The following NHERF1 variants were observed in gnomAD, a reference collection of about 807,000 sequenced individuals.
NHERF1 encodes NHERF family PDZ scaffold protein 1.
the NHERF1 span, among the ~76,000 whole-genome samples, chr17:74,759,630 T>G: frequency 1.3e-5 from 2 of 152,222 alleles, no homozygotes; most frequent in African/African-American, 4.8e-5. Context: ...GAAGGAAGGC[T>G]GTGGTAGGTT....
chr17:74,749,733 CCTA>C, the NHERF1 span, among the ~76,000 whole-genome samples: 31 of 152,358 alleles, frequency 2.0e-4, no homozygotes, highest in African/African-American at 7.5e-4. The surrounding 1 kb of genome is among the most constrained non-coding windows in gnomAD (Gnocchi z 5.6). Context: ...GCCCGCCACT[CCTA>C]CTTCAAAAGC....
the NHERF1 span, chr17:74,768,411 C>T: frequency 5.7e-6 from 9 of 1,584,992 alleles, no homozygotes; most frequent in South Asian, 8.8e-5. Flanking sequence ...AGGCTGAGGA[C>T]CAGGGAGCCT....
chr17:74,749,618 C>T, the NHERF1 span, among the ~76,000 whole-genome samples: 2 of 152,184 alleles, frequency 1.3e-5, no homozygotes, highest in African/African-American at 4.8e-5. The surrounding 1 kb of genome is among the most constrained non-coding windows in gnomAD (Gnocchi z 5.6). Context: ...TCCCGTTCCT[C>T]GGAATCCCCC....
the NHERF1 span, chr17:74,762,320 G>A: frequency 2.0e-6 from 1 of 494,678 alleles, no homozygotes; most frequent in South Asian, 1.6e-5. This position sits in a 1 kb window ranked among gnomAD's most constrained non-coding sequence, Gnocchi z 4.2. Flanking sequence ...GGATGGGAGG[G>A]AGGGAGGGAA....
the NHERF1 span, chr17:74,763,310 T>TA: frequency 5.7e-6 from 9 of 1,566,262 alleles, no homozygotes; most frequent in Middle Eastern, 2.1e-4. Context: ...CCCCTCCACT[T>TA]ACCTGCCCCA....
At chr17:74,768,230 C>T in the NHERF1 span, 6 of 1,611,536 alleles carry the variant, frequency 3.7e-6, no homozygotes, top group East Asian at 2.2e-5. Flanking sequence ...GTGACACCAG[C>T]GAGGAGGTAG....
the NHERF1 span, chr17:74,768,562 C>T: frequency 6.2e-7 from 1 of 1,614,018 alleles, no homozygotes; most frequent in Non-Finnish European, 8.5e-7. Context: ...ATCTCCCTGG[C>T]CATGGCCAAA....
chr17:74,766,787 T>A, the NHERF1 span: 1 of 752,124 alleles, frequency 1.3e-6, no homozygotes, highest in Non-Finnish European at 2.3e-6. Flanking sequence ...ATAAGGCAAA[T>A]GTATTCATGG....
the NHERF1 span, among the ~76,000 whole-genome samples, chr17:74,767,254 AG>A: frequency 6.6e-6 from 1 of 152,142 alleles, no homozygotes. Flanking sequence ...ACCATACAGA[AG>A]GGGCCATTCT....
chr17:74,758,700 A>C, the NHERF1 span, among the ~76,000 whole-genome samples: 1 of 152,110 alleles, frequency 6.6e-6, no homozygotes, highest in Non-Finnish European at 1.5e-5. The surrounding 1 kb of genome is among the most constrained non-coding windows in gnomAD (Gnocchi z 4.3). Context: ...TGGGGGCCAC[A>C]CACCAAGCCC....
the NHERF1 span, chr17:74,762,243 C>A: frequency 7.5e-7 from 1 of 1,326,004 alleles, no homozygotes; most frequent in Non-Finnish European, 1.0e-6. This position sits in a 1 kb window ranked among gnomAD's most constrained non-coding sequence, Gnocchi z 4.2. Flanking sequence ...CTGGGGCAGC[C>A]ATCATACCAT....
At chr17:74,760,415 T>G in the NHERF1 span, among the ~76,000 whole-genome samples, 6 of 152,306 alleles carry the variant, frequency 3.9e-5, no homozygotes, top group Middle Eastern at 3.4e-3. This position sits in a 1 kb window ranked among gnomAD's most constrained non-coding sequence, Gnocchi z 4.5. Context: ...AGCCTGGATT[T>G]GGGTATGAAA....
At chr17:74,762,206 C>G in the NHERF1 span, 4 of 1,610,110 alleles carry the variant, frequency 2.5e-6, no homozygotes, top group Non-Finnish European at 3.4e-6. The surrounding 1 kb of genome is among the most constrained non-coding windows in gnomAD (Gnocchi z 4.2). Context: ...TATCTGACTG[C>G]CCCCACCCCC....
the NHERF1 span, chr17:74,762,010 A>C: frequency 1.2e-6 from 2 of 1,614,000 alleles, no homozygotes; most frequent in Non-Finnish European, 1.7e-6. This position sits in a 1 kb window ranked among gnomAD's most constrained non-coding sequence, Gnocchi z 4.2. Flanking sequence ...CTGTCCCTGC[A>C]GCGCGAGCTT....
the NHERF1 span, among the ~76,000 whole-genome samples, chr17:74,754,600 A>G: frequency 6.6e-6 from 1 of 151,660 alleles, no homozygotes; most frequent in African/African-American, 2.4e-5. Flanking sequence ...ACGGAGTTTC[A>G]CCACGGTGGC....
chr17:74,748,982 T>C, the NHERF1 span: 1 of 1,607,432 alleles, frequency 6.2e-7, no homozygotes, highest in Non-Finnish European at 8.5e-7. This position sits in a 1 kb window ranked among gnomAD's most constrained non-coding sequence, Gnocchi z 4.3. Flanking sequence ...GGAGCCCGGC[T>C]CGCCGGCCGA....
chr17:74,751,390 G>A, the NHERF1 span, among the ~76,000 whole-genome samples: 3 of 152,208 alleles, frequency 2.0e-5, no homozygotes, highest in Non-Finnish European at 4.4e-5. The surrounding 1 kb of genome is among the most constrained non-coding windows in gnomAD (Gnocchi z 4.3). Flanking sequence ...TTGCCAATTC[G>A]TTTTAGTCTG....
chr17:74,766,009 C>T, the NHERF1 span, among the ~76,000 whole-genome samples: 5 of 152,162 alleles, frequency 3.3e-5, no homozygotes, highest in Non-Finnish European at 7.4e-5. Context: ...GGAATCTGTA[C>T]TTTAACAAGC....
the NHERF1 span, among the ~76,000 whole-genome samples, chr17:74,758,226 C>G: frequency 6.6e-6 from 1 of 152,342 alleles, no homozygotes; most frequent in South Asian, 2.1e-4. This position sits in a 1 kb window ranked among gnomAD's most constrained non-coding sequence, Gnocchi z 4.3. Context: ...ATTCCGTGCC[C>G]GCCATCCGCT....
Sources: allele counts gnomAD v4.1 joint callset (sites outside exome capture counted in the v4.1 genomes callset), GRCh38; gene constraint gnomAD v4.1.1; non-coding constraint Gnocchi (gnomAD v3.1); transcripts MANE v1.5; gene names NCBI Gene and HGNC (gene_info 2026-07-23, HGNC 2026-07-21).